Variants in FMNL3 observed in about 807,000 individuals in gnomAD.
The protein encoded by FMNL3 is formin like 3.
Under a neutral mutation model 119.6 loss-of-function variants are expected in FMNL3, and 57 were observed. The ratio of observed to expected loss-of-function variants is 0.48; its 90% CI spans 0.39 to 0.59. FMNL3 has a LOEUF of 0.59. Among genes scored for constraint, FMNL3 ranks in the 20% least tolerant of loss-of-function variants. FMNL3 has a pLI of 0.00. For synonymous variants in FMNL3, 491 were observed against 507.3 expected (o/e 0.97, Z 0.43); for missense variants, 1,053 against 1,323.5 (o/e 0.80, Z 3.17).
intron 12 of FMNL3, 113 bp from the exon 13 acceptor site, chr12:49,653,440 A>G: frequency 9.1e-7 from 1 of 1,093,912 alleles, no homozygotes; most frequent in South Asian, 1.3e-5. Flanking sequence ...CCACAAAGGC[A>G]GCTTAGTCAG....
At chr12:49,688,047 C>G (rs929771836) in intron 1 of FMNL3, among the ~76,000 whole-genome samples, 1 of 152,254 alleles carries the variant, frequency 6.6e-6, no homozygotes, top group African/African-American at 2.4e-5. Flanking sequence ...ATCCACTCAG[C>G]TATAGTTATA....
At chr12:49,656,288 C>G in intron 9 of FMNL3, 116 bp downstream of exon 9, 1 of 733,402 alleles carries the variant, frequency 1.4e-6, no homozygotes, top group Admixed American at 2.9e-5. Context: ...GCTGCTTGGC[C>G]AAGCATTGGG....
chr12:49,642,817 AG>A lies in FMNL3; in HGVS notation c.*2997del. The A allele has an allele frequency of 7.0e-7, 1 of 1,424,772 alleles. No individual in the cohort carries two copies. Among genetic ancestry groups the A allele is most frequent in the South Asian group, 1.2e-5 (1 of 80,522 alleles). 88.3% of individuals were successfully genotyped at this position (1,424,772 alleles called of 1,614,324 possible). On this transcript the variant is annotated 3_prime_UTR_variant, in exon 26 of 26. Coordinates refer to ENST00000335154, the MANE Select transcript of FMNL3 (RefSeq NM_175736.5). This position sits in a 1 kb window ranked among gnomAD's most constrained non-coding sequence, Gnocchi z 5.8. ...GGGGAGGCCTGAGGATCCCTGGGAT[AG>A]GCAGAAGGCTCTAGTCTGAGAAAGG... is the stretch of plus-strand genomic sequence containing the variant.
rs1215095169 is a variant in FMNL3 at position 49,674,930 on chromosome 12, TC to T, written c.127-6377del. On this transcript the variant is annotated intron_variant, in intron 1 of 25. Transcript: ENST00000335154. ...CCAGGGAAGTCAGATGAAGGAGAGG[TC>T]CTAAAAGGCCAGCATCATTCAAACA... Among the ~76,000 whole-genome samples the T allele has an allele frequency of 2.0e-5, 3 of 152,188 alleles. No homozygotes were observed. In the South Asian group the frequency reaches 6.2e-4, roughly 32 times the overall value.
intron 1 of FMNL3, among the ~76,000 whole-genome samples, chr12:49,691,226 T>A (rs1944592115): frequency 6.6e-6 from 1 of 152,244 alleles, no homozygotes; most frequent in African/African-American, 2.4e-5. Flanking sequence ...AGATAATGTG[T>A]GTAAAGTGTT....
At chr12:49,696,370 TG>T (rs1412455885) in intron 1 of FMNL3, among the ~76,000 whole-genome samples, 1 of 152,168 alleles carries the variant, frequency 6.6e-6, no homozygotes, top group Non-Finnish European at 1.5e-5. Flanking sequence ...CCCATGTGTA[TG>T]AAAAAGTCTG....
intron 2 of FMNL3, 118 bp from the exon 3 acceptor site, chr12:49,666,325 G>A: frequency 1.2e-6 from 1 of 838,984 alleles, no homozygotes; most frequent in Non-Finnish European, 1.9e-6. Flanking sequence ...TCTCCAAGTT[G>A]TCACCTGGCT....
chr12:49,667,064 C>T (rs1448373296), intron 2 of FMNL3, among the ~76,000 whole-genome samples: 1 of 152,070 alleles, frequency 6.6e-6, no homozygotes, highest in Admixed American at 6.5e-5. Flanking sequence ...TCCCTCGATT[C>T]CCTTCTACCT....
intron 1 of FMNL3, among the ~76,000 whole-genome samples, chr12:49,688,251 G>C (rs1295055643): frequency 6.6e-6 from 1 of 152,196 alleles, no homozygotes; most frequent in Non-Finnish European, 1.5e-5. Context: ...CCCTGCAGGG[G>C]ACAGTCTAGC....
At position 49,643,841 on chromosome 12, in the gene FMNL3, T is replaced by G; in HGVS notation, c.*1974A>C. 2 of 1,614,042 alleles carry G rather than the reference T, an allele frequency of 1.2e-6. No homozygotes were observed. Among genetic ancestry groups the G allele is most frequent in the Non-Finnish European group, 1.7e-6 (2 of 1,179,980 alleles). Reference sequence around the variant, plus strand: ...AGGCTATCCACAGGAACTGAGGAGGTGGGCTCTGGACTCTTACAGAATAGT... The same window carrying G: ...AGGCTATCCACAGGAACTGAGGAGGGGGGCTCTGGACTCTTACAGAATAGT... On this transcript the variant is annotated 3_prime_UTR_variant, in exon 26 of 26. Transcript: ENST00000335154.
chr12:49,678,277 C>A (rs1944247385), intron 1 of FMNL3, among the ~76,000 whole-genome samples: 1 of 152,176 alleles, frequency 6.6e-6, no homozygotes, highest in Non-Finnish European at 1.5e-5. Flanking sequence ...CCTGCCTCAG[C>A]CTCCCAGGGA....
chr12:49,686,425 C>G lies in FMNL3; in HGVS notation c.127-17871G>C, dbSNP rs570898249. ...TGAAACCCTGTCTCTACTAAAAATA[C>G]AAAAAAATTAGGCGTGGTGGCGGGC... On this transcript the variant is annotated intron_variant, in intron 1 of 25. Coordinates refer to ENST00000335154, the MANE Select transcript of FMNL3 (RefSeq NM_175736.5). 5.3e-5 allele frequency among the ~76,000 whole-genome samples: 8 copies of G among 150,866 alleles called. No individual in the cohort carries two copies. In the East Asian group the frequency reaches 1.6e-3, roughly 30 times the overall value.
intron 5 of FMNL3, among the ~76,000 whole-genome samples, chr12:49,658,974 C>CT (rs895721780): frequency 6.6e-6 from 1 of 152,236 alleles, no homozygotes; most frequent in Non-Finnish European, 1.5e-5. Context: ...GAAGCTGTGG[C>CT]TCCCCATGAA....
chr12:49,672,567 T>C (rs1314016803), intron 1 of FMNL3, among the ~76,000 whole-genome samples: 1 of 152,182 alleles, frequency 6.6e-6, no homozygotes, highest in East Asian at 1.9e-4. Context: ...ATGGGGTGCA[T>C]GTGAGCAAGG....
In FMNL3 at chr12:49,658,585, A is replaced by C. The variant is rs1943644589; in HGVS notation, c.462T>G (p.Phe154Leu). 5 of 1,608,936 alleles carry C rather than the reference A, an allele frequency of 3.1e-6. No homozygotes were observed. Among genetic ancestry groups the C allele is most frequent in the Non-Finnish European group, 4.2e-6 (5 of 1,177,328 alleles). Residue 154 changes from phenylalanine (F) to leucine (L), a missense_variant, in exon 6 of 26, where the codon TTT becomes TTG. By Grantham distance (22) the Phe-to-Leu change is conservative. Coordinates refer to ENST00000335154, the MANE Select transcript of FMNL3 (RefSeq NM_175736.5). ...SFAQCSVMFD[F>L]EGLESGDDGA... ...CATCGTCACCACTTTCCAGACCCTCAAAGTCAAACCTGGAGCATGAAAGGA... is the reference window on the plus strand; with the variant it reads ...CATCGTCACCACTTTCCAGACCCTCCAAGTCAAACCTGGAGCATGAAAGGA...
chr12:49,657,266 G>A (rs1430261579), intron 6 of FMNL3, 76 bp from the exon 7 acceptor site: 25 of 1,170,488 alleles, frequency 2.1e-5, no homozygotes, highest in East Asian at 1.2e-4. Context: ...ACCATCACCC[G>A]GACAGCAGGC....
Position 49,647,439 on chromosome 12 carries a change from G to A in FMNL3, c.2779-71C>T, listed in dbSNP as rs571067369. ...TGTGAGGGGAGGGGCTGACACTGAGGTGGAGAGTGGGTGGCAGTGGGACCC... is the reference window on the plus strand; with the variant it reads ...TGTGAGGGGAGGGGCTGACACTGAGATGGAGAGTGGGTGGCAGTGGGACCC... On this transcript the variant is annotated intron_variant, in intron 23 of 25. Coordinates refer to ENST00000335154, the MANE Select transcript of FMNL3 (RefSeq NM_175736.5). This position sits in a 1 kb window ranked among gnomAD's most constrained non-coding sequence, Gnocchi z 4.9. The A allele has an allele frequency of 3.3e-4, 499 of 1,520,926 alleles. 1 individual carries two copies. The highest frequency in any genetic ancestry group is 1.0e-3 in the Middle Eastern group (6 of 5,904). 94.2% of individuals were successfully genotyped at this position (1,520,926 alleles called of 1,614,324 possible).
At position 49,643,080 on chromosome 12, in the gene FMNL3, G is replaced by T. The variant is rs1419735446; in HGVS notation, c.*2735C>A. The T allele has an allele frequency of 1.3e-6, 2 of 1,592,874 alleles. No homozygotes were observed. Among genetic ancestry groups the T allele is most frequent in the African/African-American group, 2.7e-5 (2 of 74,514 alleles). On this transcript the variant is annotated 3_prime_UTR_variant, in exon 26 of 26. Coordinates refer to ENST00000335154, the MANE Select transcript of FMNL3 (RefSeq NM_175736.5). ...GTTGTTTTGGGGAAATAAACACTTT[G>T]TTTTCCCCTTACAATATCTCCCTTG...
chr12:49,642,443 A>G lies in FMNL3; in HGVS notation c.*3372T>C. 6.3e-7 allele frequency: 1 copy of G among 1,578,516 alleles called. No homozygotes were observed. The highest frequency in any genetic ancestry group is 1.1e-5 in the South Asian group (1 of 90,012). On this transcript the variant is annotated 3_prime_UTR_variant, in exon 26 of 26. Transcript: ENST00000335154. The surrounding 1 kb of genome is among the most constrained non-coding windows in gnomAD (Gnocchi z 5.8). ...AGCGGTGCTTCACCACTGAGGGCCC[A>G]CCCCAGTCACGTCACAGCCCTGGGC...
Sources: allele counts gnomAD v4.1 joint callset (sites outside exome capture counted in the v4.1 genomes callset), GRCh38; gene constraint gnomAD v4.1.1; non-coding constraint Gnocchi (gnomAD v3.1); transcripts MANE v1.5; gene names NCBI Gene and HGNC (gene_info 2026-07-23, HGNC 2026-07-21).